PAK1: variants seen among roughly 807,000 people sequenced by gnomAD.
The protein encoded by PAK1 is p21 (RAC1) activated kinase 1, also known as serine/threonine-protein kinase PAK 1.
In PAK1, 29 loss-of-function variants were observed where a neutral mutation model predicts 67.4. That is an observed-to-expected ratio of 0.43 (90% CI 0.32 to 0.59). PAK1 has a LOEUF of 0.59. Among genes scored for constraint, PAK1 ranks in the 20% least tolerant of loss-of-function variants. The pLI, the probability that PAK1 is intolerant of heterozygous loss-of-function variation, is 0.07. For synonymous variants in PAK1, 223 were observed against 237.4 expected, an observed-to-expected ratio of 0.94 and a Z score of 0.56; for missense variants, 337 against 670.7, an observed-to-expected ratio of 0.50 and a Z score of 5.50.
intron 1 of PAK1, among the ~76,000 whole-genome samples, chr11:77,443,401 G>A (rs1317267153): frequency 1.3e-5 from 2 of 151,974 alleles, no homozygotes; most frequent in African/African-American, 4.8e-5. Flanking sequence ...GCCACCACAA[G>A]GAGATGGCTC....
the PAK1 span, among the ~76,000 whole-genome samples, chr11:77,489,528 C>G: frequency 6.6e-6 from 1 of 151,978 alleles, no homozygotes; most frequent in Admixed American, 6.5e-5. Flanking sequence ...GCTGCCATCT[C>G]GGCTCACTGC....
intron 14 of PAK1, among the ~76,000 whole-genome samples, chr11:77,324,482 C>T (rs564624479): frequency 6.6e-6 from 1 of 152,124 alleles, no homozygotes; most frequent in African/African-American, 2.4e-5. Context: ...CTAACAATTC[C>T]TTATGTAATT....
At chr11:77,401,107 T>G (rs1952620979) in intron 1 of PAK1, among the ~76,000 whole-genome samples, 1 of 152,216 alleles carries the variant, frequency 6.6e-6, no homozygotes, top group Non-Finnish European at 1.5e-5. Context: ...ATCACACTTT[T>G]TAGTCCAAAC....
intron 5 of PAK1, among the ~76,000 whole-genome samples, chr11:77,364,058 G>A (rs984292917): frequency 5.2e-4 from 79 of 152,340 alleles, no homozygotes; most frequent in Non-Finnish European, 9.1e-4. Flanking sequence ...AGGTGGTAGC[G>A]GCAGAGGGTC....
intron 2 of PAK1, among the ~76,000 whole-genome samples, chr11:77,380,543 C>CA (rs1744190522): frequency 6.6e-6 from 1 of 152,108 alleles, no homozygotes; most frequent in Non-Finnish European, 1.5e-5. Context: ...GATCGTCTGT[C>CA]AGAGTTAACA....
At chr11:77,453,596 A>G (rs1274888283) in intron 1 of PAK1, among the ~76,000 whole-genome samples, 1 of 152,188 alleles carries the variant, frequency 6.6e-6, no homozygotes, top group East Asian at 1.9e-4. Context: ...AAAAGGAATG[A>G]ATTATAGTGC....
At chr11:77,355,977 T>C in intron 6 of PAK1, 135 bp from the exon 7 acceptor site, 1 of 626,492 alleles carries the variant, frequency 1.6e-6, no homozygotes, top group Non-Finnish European at 2.8e-6. Flanking sequence ...AAATCTATAT[T>C]ACTCCTCCTC....
intron 1 of PAK1, among the ~76,000 whole-genome samples, chr11:77,440,024 G>A (rs934241496): frequency 6.6e-6 from 1 of 152,170 alleles, no homozygotes; most frequent in African/African-American, 2.4e-5. Context: ...CGGAGAATCA[G>A]GTATTATAAA....
chr11:77,465,713 C>A (rs1416127932), intron 1 of PAK1, among the ~76,000 whole-genome samples: 2 of 152,036 alleles, frequency 1.3e-5, no homozygotes. Flanking sequence ...CCTGTAATTC[C>A]AGCACGTTGG....
chr11:77,336,549 G>A (rs185962919), intron 12 of PAK1, among the ~76,000 whole-genome samples: 2 of 152,320 alleles, frequency 1.3e-5, no homozygotes, highest in Admixed American at 6.5e-5. Flanking sequence ...TAGTGTTAAA[G>A]TCCAAGCTGC....
At chr11:77,415,906 C>T (rs1319899014) in intron 1 of PAK1, among the ~76,000 whole-genome samples, 1 of 151,868 alleles carries the variant, frequency 6.6e-6, no homozygotes, top group Non-Finnish European at 1.5e-5. Flanking sequence ...TGGCTTAAGA[C>T]ACAAGCACAT....
rs201746111 is a variant in PAK1 at position 77,323,391 on chromosome 11, T to A, written c.1552-31A>T. On this transcript the variant is annotated intron_variant, in intron 14 of 14. Coordinates refer to ENST00000356341, the MANE Select transcript of PAK1 (RefSeq NM_002576.5). ...AAGGAGAAAAATAGCAAAAGACACA[T>A]GACTATTTAACATTCTTCCCCAGTA... is the stretch of plus-strand genomic sequence containing the variant. 15 of 1,365,326 alleles carry A rather than the reference T, an allele frequency of 1.1e-5. No individual in the cohort carries two copies. In the Admixed American group the frequency reaches 2.3e-4, roughly 21 times the overall value. The allele number at this position is 1,365,326 out of a possible 1,614,324, so 84.6% of individuals were successfully genotyped here.
intron 5 of PAK1, among the ~76,000 whole-genome samples, chr11:77,362,934 C>T (rs940148345): frequency 2.0e-5 from 3 of 152,126 alleles, no homozygotes; most frequent in Admixed American, 6.6e-5. Flanking sequence ...CTACATTCTA[C>T]AGTAAAAATT....
At chr11:77,364,329 T>C (rs1274998033) in intron 5 of PAK1, among the ~76,000 whole-genome samples, 2 of 151,796 alleles carry the variant, frequency 1.3e-5, no homozygotes, top group African/African-American at 2.4e-5. Flanking sequence ...CCTTACAGAG[T>C]TGAAGTTTTT....
chr11:77,421,937 T>C (rs1159434321), intron 1 of PAK1, among the ~76,000 whole-genome samples: 1 of 152,200 alleles, frequency 6.6e-6, no homozygotes, highest in Non-Finnish European at 1.5e-5. Context: ...AACAAGTTAC[T>C]GCATAATCCC....
chr11:77,525,844 G>T, the PAK1 span, among the ~76,000 whole-genome samples: 1 of 152,198 alleles, frequency 6.6e-6, no homozygotes, highest in Non-Finnish European at 1.5e-5. Context: ...CTCTGGAATT[G>T]TCCTTTCTAA....
At chr11:77,340,603 G>C (rs1943454277) in intron 11 of PAK1, 43 bp downstream of exon 11, 1 of 948,148 alleles carries the variant, frequency 1.1e-6, no homozygotes, top group Non-Finnish European at 1.7e-6. Flanking sequence ...ACAGGAATAT[G>C]GAGGCAGCTT....
the PAK1 span, among the ~76,000 whole-genome samples, chr11:77,493,444 A>C: frequency 2.0e-4 from 23 of 115,008 alleles, 1 homozygote; most frequent in African/African-American, 9.4e-4. Flanking sequence ...ATGCCCAGCT[A>C]ATTTTTTTTT....
chr11:77,475,230 C>T (rs969361155), upstream of PAK1: 1 of 152,210 alleles, frequency 6.6e-6, no homozygotes, highest in Non-Finnish European at 1.5e-5. Context: ...TTCTTCCTCT[C>T]TCAACATCCA....
Sources: gnomAD v4.1 joint callset for allele counts (sites outside exome capture counted in the v4.1 genomes callset) on GRCh38, gnomAD v4.1.1 for gene constraint, MANE v1.5 for transcripts, NCBI Gene and HGNC (gene_info 2026-07-23, HGNC 2026-07-21) for gene names.